The following EPHA7 variants were observed in gnomAD, a reference collection of about 807,000 sequenced individuals.
EPHA7 encodes ephrin type-A receptor 7.
EPHA7 carries 25 observed loss-of-function variants against 112.6 expected under a neutral mutation model. The ratio of observed to expected loss-of-function variants is 0.22; its 90% CI spans 0.16 to 0.31. The LOEUF is 0.31. Among genes scored for constraint, EPHA7 ranks in the 10% least tolerant of loss-of-function variants. The pLI, the probability that EPHA7 is intolerant of heterozygous loss-of-function variation, is 1.00. For synonymous variants in EPHA7, 437 were observed against 406.5 expected (o/e 1.07, Z -0.90); for missense variants, 962 against 1,212.6 (o/e 0.79, Z 3.07).
At position 93,258,246 on chromosome 6, in the gene EPHA7, G is replaced by T; in HGVS notation, c.1963C>A (p.Pro655Thr). The T allele has an allele frequency of 6.2e-7, 1 of 1,610,990 alleles. No homozygotes were observed. The highest frequency in any genetic ancestry group is 8.5e-7 in the Non-Finnish European group (1 of 1,178,404). Reference sequence around the variant, plus strand: ...GCTACTGCAACATCTCTTTTCCCTGGAAGTTTCAAACGGCCACTGCAGACT... The same window carrying T: ...GCTACTGCAACATCTCTTTTCCCTGTAAGTTTCAAACGGCCACTGCAGACT... ...GEVCSGRLKLPGKRDVAVAIK... is the reference protein window; with the variant it reads ...GEVCSGRLKLTGKRDVAVAIK... The change falls in exon 11 of 17, where the codon CCA becomes ACA. Residue 655 changes from proline to threonine, a missense_variant. This residue lies in a region of EPHA7 where 746 missense variants were observed against 889.2 expected (regional missense o/e 0.84). Transcript: ENST00000369303.
intron 5 of EPHA7, among the ~76,000 whole-genome samples, chr6:93,344,377 G>C (rs12529583): frequency 0.044 from 6,656 of 151,508 alleles, 184 homozygotes; most frequent in African/African-American, 0.059. Flanking sequence ...GAGAAAATAG[G>C]ATGAGATGTC....
intron 3 of EPHA7, among the ~76,000 whole-genome samples, chr6:93,390,181 A>G (rs1244755930): frequency 1.3e-5 from 2 of 151,662 alleles, no homozygotes; most frequent in East Asian, 1.9e-4. Flanking sequence ...AAGAAAATCT[A>G]CAATGTGGAA....
intron 5 of EPHA7, among the ~76,000 whole-genome samples, chr6:93,334,780 CA>C (rs1398832566): frequency 6.6e-6 from 1 of 152,034 alleles, no homozygotes; most frequent in Non-Finnish European, 1.5e-5. Context: ...ACGAGTGATG[CA>C]AATCCATTTC....
At chr6:93,396,240 T>A (rs1778164827) in intron 3 of EPHA7, among the ~76,000 whole-genome samples, 1 of 151,920 alleles carries the variant, frequency 6.6e-6, no homozygotes, top group Non-Finnish European at 1.5e-5. Context: ...TGATGACTAA[T>A]GTGTAAACAA....
Position 93,242,634 on chromosome 6 carries a change from C to T in EPHA7, c.*792G>A, listed in dbSNP as rs575755807. The T allele has an allele frequency of 9.1e-6, 2 of 218,992 alleles. No individual in the cohort carries two copies. The highest frequency in any genetic ancestry group is 2.2e-5 in the African/African-American group (1 of 44,716). 13.6% of individuals were successfully genotyped at this position (218,992 alleles called of 1,614,324 possible). A position where few individuals can be genotyped will look rare whatever the true frequency, so the allele number is the denominator to read the frequency against. On this transcript the variant is annotated 3_prime_UTR_variant, in exon 17 of 17. Coordinates refer to ENST00000369303, the MANE Select transcript of EPHA7 (RefSeq NM_004440.4). The stretch of plus-strand genomic sequence containing the variant: ...CTTTCTAGTAAAATCACTCTATAAA[C>T]AATCTGTTAAAAGTGCCTTATAGTA...
chr6:93,378,617 A>G (rs1304414163), intron 3 of EPHA7, among the ~76,000 whole-genome samples: 1 of 152,122 alleles, frequency 6.6e-6, no homozygotes, highest in Non-Finnish European at 1.5e-5. Context: ...GGAACTTAAA[A>G]TGCAATTTGA....
At chr6:93,326,029 G>T (rs916221241) in intron 5 of EPHA7, among the ~76,000 whole-genome samples, 5 of 151,366 alleles carry the variant, frequency 3.3e-5, no homozygotes, top group African/African-American at 1.2e-4. Context: ...AATAATTCTA[G>T]ATTTATAAAC....
At position 93,410,419 on chromosome 6, in the gene EPHA7, T is replaced by C; in HGVS notation, c.832+82A>G. 1.5e-6 allele frequency: 2 copies of C among 1,292,346 alleles called. No individual in the cohort carries two copies. Among genetic ancestry groups the C allele is most frequent in the Middle Eastern group, 2.3e-4 (1 of 4,262 alleles). The allele number at this position is 1,292,346 out of a possible 1,614,324, so 80.1% of individuals were successfully genotyped here. On this transcript the variant is annotated intron_variant, in intron 3 of 16. Coordinates refer to ENST00000369303, the MANE Select transcript of EPHA7 (RefSeq NM_004440.4). This position sits in a 1 kb window ranked among gnomAD's most constrained non-coding sequence, Gnocchi z 4.0. ...TCTGGTACAGAGCAGATTCACGTATTCAAATAACTATTAAAGTTTAAAATG... is the reference window on the plus strand; with the variant it reads ...TCTGGTACAGAGCAGATTCACGTATCCAAATAACTATTAAAGTTTAAAATG...
intron 5 of EPHA7, among the ~76,000 whole-genome samples, chr6:93,326,593 G>T (rs1024257348): frequency 1.3e-5 from 2 of 151,430 alleles, no homozygotes; most frequent in Non-Finnish European, 3.0e-5. Flanking sequence ...AAACTGAAAG[G>T]TAAGGTCTCT....
At chr6:93,291,342 C>T (rs943258609) in intron 5 of EPHA7, among the ~76,000 whole-genome samples, 1 of 152,108 alleles carries the variant, frequency 6.6e-6, no homozygotes, top group African/African-American at 2.4e-5. Context: ...AATTCTAAGG[C>T]TTTTACGGTT....
intron 5 of EPHA7, among the ~76,000 whole-genome samples, chr6:93,306,601 A>G (rs1449391702): frequency 6.6e-6 from 1 of 152,006 alleles, no homozygotes; most frequent in Non-Finnish European, 1.5e-5. Context: ...TTTAATGTAA[A>G]ACAAATTCCA....
rs781072828 is a variant in EPHA7 at position 93,356,720 on chromosome 6, C to T, written c.1321G>A (p.Ala441Thr). 1.9e-6 allele frequency: 3 copies of T among 1,607,088 alleles called. No homozygotes were observed. The highest frequency in any genetic ancestry group is 2.5e-6 in the Non-Finnish European group (3 of 1,176,480). ...FAAVSITTGQ[A>T]APSQVSGVMK... ...TGAAGATAAACACAAAACATACCTG[C>T]TTGACCAGTGGTGATACTGACAGCA... is the stretch of plus-strand genomic sequence containing the variant. The change falls in exon 5 of 17, where the codon GCA becomes ACA. Residue 441 changes from alanine to threonine, a missense_variant. Ala to Thr is a moderately conservative substitution (Grantham distance 58). Coordinates refer to ENST00000369303, the MANE Select transcript of EPHA7 (RefSeq NM_004440.4).
chr6:93,340,594 CT>C (rs1203835366), intron 5 of EPHA7, among the ~76,000 whole-genome samples: 2 of 151,744 alleles, frequency 1.3e-5, no homozygotes, highest in Non-Finnish European at 2.9e-5. Context: ...ATCTGAAACA[CT>C]TCTGGTCCCA....
At position 93,401,776 on chromosome 6, in the gene EPHA7, A is replaced by C. The variant is rs569809392; in HGVS notation, c.832+8725T>G. Reference sequence around the variant, plus strand: ...AATTGAAACAAAAAGATTTTCTGAAATCTTTCCTTTGGTATTCATGTATCA... The same window carrying C: ...AATTGAAACAAAAAGATTTTCTGAACTCTTTCCTTTGGTATTCATGTATCA... On this transcript the variant is annotated intron_variant, in intron 3 of 16. Transcript: ENST00000369303. 2.0e-5 allele frequency among the ~76,000 whole-genome samples: 3 copies of C among 152,074 alleles called. No individual in the cohort carries two copies. In the South Asian group the frequency reaches 6.2e-4, roughly 31 times the overall value.
intron 2 of EPHA7, among the ~76,000 whole-genome samples, chr6:93,412,267 C>T (rs1193872880): frequency 6.6e-6 from 1 of 151,530 alleles, no homozygotes; most frequent in African/African-American, 2.4e-5. Flanking sequence ...GCATAGCATG[C>T]AATATTTTAA....
chr6:93,368,855 T>C (rs1011886503), intron 3 of EPHA7, among the ~76,000 whole-genome samples: 1 of 152,084 alleles, frequency 6.6e-6, no homozygotes, highest in Non-Finnish European at 1.5e-5. Flanking sequence ...AGTTATAAAA[T>C]GTGGATCAAT....
At chr6:93,352,088 CACA>C in intron 5 of EPHA7, among the ~76,000 whole-genome samples, 1 of 152,112 alleles carries the variant, frequency 6.6e-6, no homozygotes, top group East Asian at 1.9e-4. Context: ...GGCCTAATTC[CACA>C]ACATTTTTTG....
Position 93,356,957 on chromosome 6 carries a change from C to T in EPHA7, c.1084G>A (p.Asp362Asn). 1 of 1,614,150 alleles carries T rather than the reference C, an allele frequency of 6.2e-7. No individual in the cohort carries two copies. Among genetic ancestry groups the T allele is most frequent in the Non-Finnish European group, 8.5e-7 (1 of 1,180,014 alleles). The change falls in exon 5 of 17, where the codon GAT becomes AAT. Residue 362 changes from aspartate to asparagine, a missense_variant. This residue lies in a region of EPHA7 where 746 missense variants were observed against 889.2 expected (regional missense o/e 0.84). Coordinates refer to ENST00000369303, the MANE Select transcript of EPHA7 (RefSeq NM_004440.4). ...TTACACAATATTCTGTAGGTCACAT[C>T]GTTTCTTCCCCCATTGTCTGCAGGA... ...SPPADNGGRN[D>N]VTYRILCKRC...
intron 3 of EPHA7, among the ~76,000 whole-genome samples, chr6:93,401,447 A>G (rs78133348): frequency 0.01 from 1,542 of 152,182 alleles, 23 homozygotes; most frequent in African/African-American, 0.034. Context: ...TTCCTGAGAA[A>G]TGCTATCATT....
Sources: gnomAD v4.1 joint callset for allele counts (sites outside exome capture counted in the v4.1 genomes callset) on GRCh38, gnomAD v4.1.1 for gene constraint, gnomAD v4.1.1 regional missense constraint, Gnocchi (gnomAD v3.1) non-coding constraint, MANE v1.5 for transcripts, NCBI Gene and HGNC (gene_info 2026-07-23, HGNC 2026-07-21) for gene names.